CORO2B: variants seen among roughly 807,000 people sequenced by gnomAD.
CORO2B encodes coronin 2B, also known as coronin-2B.
CORO2B carries 26 observed loss-of-function variants against 58.8 expected under a neutral mutation model. The observed-to-expected ratio is 0.44, with a 90% CI of 0.32 to 0.61. The LOEUF is 0.61. Ranked by LOEUF, CORO2B falls within the 20% of genes least tolerant of loss-of-function variation. The pLI is 0.04. For missense variants in CORO2B, 460 were observed against 645.1 expected (o/e 0.71, Z 3.11); for synonymous variants, 242 against 253.8 (o/e 0.95, Z 0.44).
At chr15:68,583,621 G>A (rs1424207723) in intron 1 of CORO2B, among the ~76,000 whole-genome samples, 1 of 152,182 alleles carries the variant, frequency 6.6e-6, no homozygotes, top group Non-Finnish European at 1.5e-5. Context: ...GTGGGGCAGG[G>A]GAGCAAAGTC....
At chr15:68,547,941 C>A in the CORO2B span, among the ~76,000 whole-genome samples, 1 of 152,014 alleles carries the variant, frequency 6.6e-6, no homozygotes, top group African/African-American at 2.4e-5. Context: ...GAGGTTGAGG[C>A]GGGTGGATCA....
chr15:68,673,966 C>G (rs1219557392), intron 2 of CORO2B, among the ~76,000 whole-genome samples: 1 of 151,920 alleles, frequency 6.6e-6, no homozygotes, highest in Admixed American at 6.6e-5. Flanking sequence ...TTCGGTGGAC[C>G]CAGAAGCAGC....
intron 2 of CORO2B, among the ~76,000 whole-genome samples, chr15:68,681,232 T>G (rs1315600897): frequency 1.3e-5 from 2 of 151,852 alleles, no homozygotes; most frequent in East Asian, 3.9e-4. Flanking sequence ...AAAAATTTTT[T>G]TTTGGAAAGA....
intron 1 of CORO2B, among the ~76,000 whole-genome samples, chr15:68,598,281 T>C (rs1899891109): frequency 1.3e-5 from 2 of 152,348 alleles, no homozygotes; most frequent in South Asian, 4.1e-4. Flanking sequence ...GCCCAGGCCA[T>C]GTGGGTTTTA....
chr15:68,576,683 A>G (rs1428989231), upstream of CORO2B, among the ~76,000 whole-genome samples: 1 of 152,186 alleles, frequency 6.6e-6, no homozygotes, highest in Non-Finnish European at 1.5e-5. Flanking sequence ...TTCTGGCTAG[A>G]GGCTGACCTG....
chr15:68,623,450 G>T (rs1319993252), intron 1 of CORO2B, among the ~76,000 whole-genome samples: 1 of 152,124 alleles, frequency 6.6e-6, no homozygotes, highest in African/African-American at 2.4e-5. Context: ...AGCCAGTCTG[G>T]CCCACCCACA....
chr15:68,522,944 G>T, the CORO2B span, among the ~76,000 whole-genome samples: 1 of 152,046 alleles, frequency 6.6e-6, no homozygotes, highest in Non-Finnish European at 1.5e-5. Flanking sequence ...GGAGACTTTG[G>T]ATGATAACAT....
chr15:68,523,402 G>T, the CORO2B span, among the ~76,000 whole-genome samples: 2 of 151,972 alleles, frequency 1.3e-5, no homozygotes, highest in Non-Finnish European at 2.9e-5. Flanking sequence ...TCCCTATGTC[G>T]CCCAGGCTGG....
At chr15:68,632,355 A>G (rs1900863987) in intron 1 of CORO2B, 1 of 985,480 alleles carries the variant, frequency 1.0e-6, no homozygotes, top group East Asian at 1.1e-4. Flanking sequence ...GGTAGCAGTG[A>G]TAAAACGCAT....
At chr15:68,695,649 C>A (rs1339380711) in intron 3 of CORO2B, among the ~76,000 whole-genome samples, 2 of 152,158 alleles carry the variant, frequency 1.3e-5, no homozygotes, top group Admixed American at 1.3e-4. Flanking sequence ...CTGTTCTTTG[C>A]AGGCTGGGCA....
chr15:68,665,942 G>T (rs1396446863), intron 2 of CORO2B, among the ~76,000 whole-genome samples: 3 of 151,668 alleles, frequency 2.0e-5, no homozygotes, highest in African/African-American at 4.8e-5. Flanking sequence ...AATTGCATTG[G>T]CAGGTCCTAC....
intron 1 of CORO2B, among the ~76,000 whole-genome samples, chr15:68,636,983 T>A (rs982745246): frequency 1.3e-5 from 2 of 152,190 alleles, no homozygotes; most frequent in Admixed American, 6.5e-5. Context: ...TTTTAATTAA[T>A]CTGAATTTAA....
chr15:68,631,974 CTT>C, intron 1 of CORO2B: 2 of 985,476 alleles, frequency 2.0e-6, no homozygotes, highest in Non-Finnish European at 2.4e-6. Context: ...TGGGCTCTCT[CTT>C]GGTTGCTAGC....
chr15:68,718,600 C>T (rs1893086116), intron 8 of CORO2B, 98 bp from the exon 9 acceptor site: 5 of 1,065,568 alleles, frequency 4.7e-6, no homozygotes, highest in South Asian at 2.8e-5. Flanking sequence ...AACCTAAGTA[C>T]ATTCCTCAGC....
chr15:68,717,950 C>T (rs746116982), intron 8 of CORO2B, among the ~76,000 whole-genome samples: 4 of 152,158 alleles, frequency 2.6e-5, no homozygotes, highest in Non-Finnish European at 4.4e-5. Context: ...TTGTCCTCCT[C>T]GAACCAGCCA....
At chr15:68,720,477 G>A (rs561335658) in intron 11 of CORO2B, among the ~76,000 whole-genome samples, 71 of 152,290 alleles carry the variant, frequency 4.7e-4, no homozygotes, top group Non-Finnish European at 8.2e-4. Context: ...GTGGCTGAAG[G>A]TCTCTCATGA....
chr15:68,563,237 C>T, the CORO2B span, among the ~76,000 whole-genome samples: 1 of 151,836 alleles, frequency 6.6e-6, no homozygotes, highest in Non-Finnish European at 1.5e-5. Context: ...CCTATAATCC[C>T]AGCACTTTGG....
chr15:68,532,522 CTATTTT>C, the CORO2B span, among the ~76,000 whole-genome samples: 1 of 152,014 alleles, frequency 6.6e-6, no homozygotes, highest in East Asian at 1.9e-4. Flanking sequence ...AATTGTGTTC[CTATTTT>C]TATTTAAGTC....
At chr15:68,596,611 A>G (rs1899836310) in intron 1 of CORO2B, among the ~76,000 whole-genome samples, 1 of 152,110 alleles carries the variant, frequency 6.6e-6, no homozygotes, top group Admixed American at 6.5e-5. Flanking sequence ...ACTGACTGGG[A>G]GGACAGATAG....
Sources: gnomAD v4.1 joint callset for allele counts (sites outside exome capture counted in the v4.1 genomes callset) on GRCh38, gnomAD v4.1.1 for gene constraint, MANE v1.5 for transcripts, NCBI Gene and HGNC (gene_info 2026-07-23, HGNC 2026-07-21) for gene names.